The following MAF variants were observed in gnomAD, a reference collection of about 807,000 sequenced individuals.
MAF encodes transcription factor Maf.
MAF carries 10 observed loss-of-function variants against 22.0 expected under a neutral mutation model. The observed-to-expected ratio is 0.45, with a 90% CI of 0.28 to 0.77. MAF has a LOEUF of 0.77. MAF is among the 30% of genes least tolerant of loss of function. MAF has a pLI of 0.12. For missense variants in MAF, 544 were observed against 548.4 expected (o/e 0.99, Z 0.08); for synonymous variants, 337 against 255.8 (o/e 1.32, Z -3.03).
At chr16:79,292,430 C>T in the MAF span, among the ~76,000 whole-genome samples, 1 of 152,154 alleles carries the variant, frequency 6.6e-6, no homozygotes, top group Non-Finnish European at 1.5e-5. Context: ...ATGGCCCTGC[C>T]AACACCTTAC....
chr16:79,220,558 T>C, the MAF span, among the ~76,000 whole-genome samples: 1 of 152,204 alleles, frequency 6.6e-6, no homozygotes, highest in African/African-American at 2.4e-5. Flanking sequence ...TGGTAGTTAC[T>C]TAATCATTTT....
chr16:79,264,739 G>A, the MAF span, among the ~76,000 whole-genome samples: 3 of 152,150 alleles, frequency 2.0e-5, no homozygotes, highest in African/African-American at 4.8e-5. Flanking sequence ...AGATACAAAT[G>A]TCTAACCTCT....
the MAF span, among the ~76,000 whole-genome samples, chr16:79,568,987 C>G: frequency 6.6e-6 from 1 of 152,218 alleles, no homozygotes; most frequent in South Asian, 2.1e-4. Flanking sequence ...AAGTTTATGT[C>G]ACTAAATTAG....
chr16:79,535,651 G>T, the MAF span, among the ~76,000 whole-genome samples: 1 of 144,222 alleles, frequency 6.9e-6, no homozygotes. Flanking sequence ...GTGCAATGGT[G>T]ACATCTCGGT....
the MAF span, among the ~76,000 whole-genome samples, chr16:79,538,921 C>T: frequency 6.7e-6 from 1 of 148,978 alleles, no homozygotes; most frequent in African/African-American, 2.5e-5. Flanking sequence ...AAGAAATCAC[C>T]CAGGAAAATA....
chr16:79,303,909 A>G, the MAF span, among the ~76,000 whole-genome samples: 1 of 152,168 alleles, frequency 6.6e-6, no homozygotes, highest in Non-Finnish European at 1.5e-5. Context: ...AAATGCGGGG[A>G]GAAAAAAAAG....
At chr16:79,475,981 T>G in the MAF span, among the ~76,000 whole-genome samples, 66 of 152,294 alleles carry the variant, frequency 4.3e-4, no homozygotes, top group African/African-American at 1.5e-3. Context: ...ATTTTTCAAA[T>G]GTAATCAAGG....
At chr16:79,558,569 C>T in the MAF span, among the ~76,000 whole-genome samples, 2 of 152,170 alleles carry the variant, frequency 1.3e-5, no homozygotes, top group Non-Finnish European at 2.9e-5. Context: ...TTTCGGGAAT[C>T]AGCTCCATAA....
At chr16:79,444,103 G>T in the MAF span, among the ~76,000 whole-genome samples, 7 of 151,892 alleles carry the variant, frequency 4.6e-5, no homozygotes, top group African/African-American at 1.2e-4. Context: ...ATTATGTAGG[G>T]AAAAATCATG....
downstream of MAF, among the ~76,000 whole-genome samples, chr16:79,581,177 A>T (rs1171356073): frequency 1.3e-5 from 2 of 152,198 alleles, no homozygotes; most frequent in Non-Finnish European, 2.9e-5. Flanking sequence ...AGAGAAGAGG[A>T]AAAGAAGTAA....
At chr16:79,514,108 T>A in the MAF span, among the ~76,000 whole-genome samples, 2 of 152,248 alleles carry the variant, frequency 1.3e-5, no homozygotes, top group African/African-American at 4.8e-5. Flanking sequence ...TGTTTTCAGA[T>A]AAATCACAGT....
At chr16:79,334,805 T>A in the MAF span, among the ~76,000 whole-genome samples, 1 of 152,016 alleles carries the variant, frequency 6.6e-6, no homozygotes, top group African/African-American at 2.4e-5. Context: ...TGAGTTTCCA[T>A]GCAGGGCAAA....
the MAF span, among the ~76,000 whole-genome samples, chr16:79,472,151 T>G: frequency 6.6e-6 from 1 of 152,114 alleles, no homozygotes; most frequent in South Asian, 2.1e-4. Context: ...TTTAGATGAC[T>G]CAAATCCCCA....
At chr16:79,210,283 C>T in the MAF span, among the ~76,000 whole-genome samples, 4 of 152,196 alleles carry the variant, frequency 2.6e-5, no homozygotes, top group African/African-American at 9.6e-5. Flanking sequence ...ATGGCAGATT[C>T]TTCACGTCGT....
chr16:79,315,324 TG>T, the MAF span, among the ~76,000 whole-genome samples: 1 of 152,230 alleles, frequency 6.6e-6, no homozygotes, highest in Non-Finnish European at 1.5e-5. Context: ...GGTGAATGGA[TG>T]GGGGAGAGTT....
chr16:79,453,419 T>G, the MAF span, among the ~76,000 whole-genome samples: 1 of 152,160 alleles, frequency 6.6e-6, no homozygotes, highest in African/African-American at 2.4e-5. Context: ...CTATACATCT[T>G]GATAGAAGAT....
chr16:79,311,309 A>C, the MAF span, among the ~76,000 whole-genome samples: 1 of 151,974 alleles, frequency 6.6e-6, no homozygotes, highest in Non-Finnish European at 1.5e-5. Context: ...TTCTGGCTCC[A>C]GAGAGTGTCA....
the MAF span, among the ~76,000 whole-genome samples, chr16:79,394,208 G>A: frequency 6.6e-6 from 1 of 152,220 alleles, no homozygotes; most frequent in Non-Finnish European, 1.5e-5. Flanking sequence ...CAGAGCTGCT[G>A]CAGACACCTT....
chr16:79,445,125 C>T, the MAF span, among the ~76,000 whole-genome samples: 1 of 152,160 alleles, frequency 6.6e-6, no homozygotes, highest in Non-Finnish European at 1.5e-5. Flanking sequence ...GCTCCTCCTC[C>T]TGGGTTCACG....
Sources: gnomAD v4.1 joint callset for allele counts (sites outside exome capture counted in the v4.1 genomes callset) on GRCh38, gnomAD v4.1.1 for gene constraint, MANE v1.5 for transcripts, NCBI Gene and HGNC (gene_info 2026-07-23, HGNC 2026-07-21) for gene names.